FAM20A: variants seen among roughly 807,000 people sequenced by gnomAD.
FAM20A encodes pseudokinase FAM20A.
In FAM20A, 42 loss-of-function variants were observed where a neutral mutation model predicts 52.0. The observed-to-expected ratio is 0.81, with a 90% CI of 0.63 to 1.04. FAM20A has a LOEUF of 1.04. Among genes scored for constraint, FAM20A ranks in the 50% least tolerant of loss-of-function variants. FAM20A has a pLI of 0.00. For synonymous variants in FAM20A, 304 were observed against 298.9 expected (o/e 1.02, Z -0.18); for missense variants, 742 against 712.7 (o/e 1.04, Z -0.47).
At chr17:68,547,474 C>G (rs945892507) in intron 4 of FAM20A, among the ~76,000 whole-genome samples, 1 of 152,182 alleles carries the variant, frequency 6.6e-6, no homozygotes, top group Non-Finnish European at 1.5e-5. Context: ...GTTAGTGTAG[C>G]TACGTTCATC....
At chr17:68,540,507 C>G (rs1262602850) in intron 8 of FAM20A, 3 of 479,316 alleles carry the variant, frequency 6.3e-6, no homozygotes, top group Non-Finnish European at 1.2e-5. Flanking sequence ...CGCCTGAGGC[C>G]CTCCCTGCTA....
chr17:68,548,656 T>A (rs1229519560), intron 4 of FAM20A, among the ~76,000 whole-genome samples: 1 of 151,894 alleles, frequency 6.6e-6, no homozygotes, highest in Non-Finnish European at 1.5e-5. Context: ...AAGCCTTCAC[T>A]TTGTAAAAAA....
intron 1 of FAM20A, chr17:68,590,042 G>A (rs932944077): frequency 6.6e-6 from 1 of 152,210 alleles, no homozygotes; most frequent in Non-Finnish European, 1.5e-5. Flanking sequence ...GAAGCCATCT[G>A]TCAGCACAGT....
rs941319937 is a variant in FAM20A at position 68,535,318 on chromosome 17, A to T, written c.*2159T>A. On this transcript the variant is annotated 3_prime_UTR_variant, in exon 11 of 11. Coordinates refer to ENST00000592554, the MANE Select transcript of FAM20A (RefSeq NM_017565.4). ...TGTACCACATATCATGGTGAAATTCAAGCCTATTGCTTTCTGTTTGTAGAG... is the reference window on the plus strand; with the variant it reads ...TGTACCACATATCATGGTGAAATTCTAGCCTATTGCTTTCTGTTTGTAGAG... The T allele has an allele frequency of 1.8e-5, 8 of 454,022 alleles. No individual in the cohort carries two copies. Among genetic ancestry groups the T allele is most frequent in the Admixed American group, 4.7e-5 (2 of 42,558 alleles). The allele number at this position is 454,022 out of a possible 1,614,324, so 28.1% of individuals were successfully genotyped here.
intron 1 of FAM20A, among the ~76,000 whole-genome samples, chr17:68,559,868 T>C (rs1438232494): frequency 6.6e-6 from 1 of 152,244 alleles, no homozygotes; most frequent in Non-Finnish European, 1.5e-5. Context: ...CTGGTGATTT[T>C]TCCAATTCAG....
At chr17:68,591,674 A>ATGAAGCCCTCCCTTTCCCAGC (rs1232244610) in intron 1 of FAM20A, 29 of 152,312 alleles carry the variant, frequency 1.9e-4, no homozygotes, top group South Asian at 4.1e-4. Context: ...CTGGTCCCAG[A>ATGAAGCCCTCCCTTTCCCAGC]TGAAGCCCTC....
chr17:68,552,527 G>A (rs531495183), intron 3 of FAM20A, among the ~76,000 whole-genome samples: 9 of 152,148 alleles, frequency 5.9e-5, no homozygotes, highest in African/African-American at 1.9e-4. Context: ...TGCATCCTGG[G>A]CACCTCACTT....
At chr17:68,549,870 GTATT>G (rs1208608859) in intron 4 of FAM20A, among the ~76,000 whole-genome samples, 3 of 152,164 alleles carry the variant, frequency 2.0e-5, no homozygotes, top group Non-Finnish European at 2.9e-5. Context: ...GGAACACAAT[GTATT>G]TATTTACATA....
rs755658880 is a variant in FAM20A, at chr17:68,536,103, T to G, written c.*1374A>C. ...AGAGACACAAAGTCCAGGGGCAGCA[T>G]ACCAGTCATGTGGGGGTACCACGGG... On this transcript the variant is annotated 3_prime_UTR_variant, in exon 11 of 11. Coordinates refer to ENST00000592554, the MANE Select transcript of FAM20A (RefSeq NM_017565.4). 5 of 454,008 alleles carry G rather than the reference T, an allele frequency of 1.1e-5. No homozygotes were observed. Among genetic ancestry groups the G allele is most frequent in the South Asian group, 7.8e-5 (5 of 64,484 alleles). 28.1% of individuals were successfully genotyped at this position (454,008 alleles called of 1,614,324 possible).
Position 68,538,716 on chromosome 17 carries a change from G to A in FAM20A, c.1361+621C>T, listed in dbSNP as rs149629618. 1.8e-3 allele frequency among the ~76,000 whole-genome samples: 275 copies of A among 152,342 alleles called. 2 individuals carry two copies. Among genetic ancestry groups the A allele is most frequent in the African/African-American group, 5.7e-3 (237 of 41,586 alleles). On this transcript the variant is annotated intron_variant, in intron 10 of 10. Transcript: ENST00000592554. ...GCTGGGCAAAGCAGAGGTCTGATTA[G>A]TAATATCAAAACCCAGCAGACTGCA...
At position 68,563,310 on chromosome 17, in the gene FAM20A, C is replaced by T. The variant is rs533665214; in HGVS notation, c.405-7567G>A. ...CTGAGGCAGGAGAATTGCTTGAACT[C>T]GGGAGGCGGGGGTTGTAGTGAGCTG... On this transcript the variant is annotated intron_variant, in intron 1 of 10. Coordinates refer to ENST00000592554, the MANE Select transcript of FAM20A (RefSeq NM_017565.4). Among the ~76,000 whole-genome samples, 9 of 149,266 alleles carry T rather than the reference C, an allele frequency of 6.0e-5. No individual in the cohort carries two copies. In the South Asian group the frequency reaches 1.3e-3, roughly 21 times the overall value.
Position 68,537,065 on chromosome 17 carries a change from C to T in FAM20A, c.*412G>A. The T allele has an allele frequency of 2.2e-6, 1 of 458,176 alleles. No individual in the cohort carries two copies. Among genetic ancestry groups the T allele is most frequent in the Non-Finnish European group, 4.4e-6 (1 of 229,716 alleles). 28.4% of individuals were successfully genotyped at this position (458,176 alleles called of 1,614,324 possible). A position where few individuals can be genotyped will look rare whatever the true frequency, so the allele number is the denominator to read the frequency against. ...GCTTGTGATAGGCCAGGTGTTTTGTCTGGACCAGGAGTTATCTTTGACTTG... is the reference window on the plus strand; with the variant it reads ...GCTTGTGATAGGCCAGGTGTTTTGTTTGGACCAGGAGTTATCTTTGACTTG... On this transcript the variant is annotated 3_prime_UTR_variant, in exon 11 of 11. Coordinates refer to ENST00000592554, the MANE Select transcript of FAM20A (RefSeq NM_017565.4). The surrounding 1 kb of genome is among the most constrained non-coding windows in gnomAD (Gnocchi z 4.2).
rs778387601 is a variant in FAM20A, at chr17:68,542,724, T to C, written c.898A>G (p.Ile300Val). 3 of 1,614,056 alleles carry C rather than the reference T, an allele frequency of 1.9e-6. No individual in the cohort carries two copies. The highest frequency in any genetic ancestry group is 2.5e-6 in the Non-Finnish European group (3 of 1,179,956). ...GAGACAAAGAAAACACTCTGCAGGA[T>C]TTCATTCTTGGTGACCTCTAGGATT... ...KEILEVTKNEILQSVFFVSPA... is the reference protein window; with the variant it reads ...KEILEVTKNEVLQSVFFVSPA... Residue 300 changes from isoleucine to valine, a missense_variant, in exon 6 of 11, where the codon ATC becomes GTC. Transcript: ENST00000592554.
intron 1 of FAM20A, among the ~76,000 whole-genome samples, chr17:68,568,602 G>T (rs989078833): frequency 1.3e-5 from 2 of 151,840 alleles, no homozygotes; most frequent in African/African-American, 4.9e-5. Flanking sequence ...GACTCTAGGG[G>T]AGTTTCACTC....
intron 1 of FAM20A, among the ~76,000 whole-genome samples, chr17:68,599,743 G>A (rs947653353): frequency 2.0e-5 from 3 of 152,228 alleles, no homozygotes; most frequent in African/African-American, 7.2e-5. Flanking sequence ...AGAGGAATAA[G>A]GAAAGGGAAA....
intron 8 of FAM20A, chr17:68,540,439 C>T: frequency 2.1e-6 from 1 of 466,738 alleles, no homozygotes; most frequent in South Asian, 1.5e-5. Context: ...GTCTCGTCTC[C>T]CTAGAAGTCC....
In FAM20A at chr17:68,540,710, C is replaced by T. The variant is rs948534173; in HGVS notation, c.1219+139G>A. 5.5e-5 allele frequency: 61 copies of T among 1,099,540 alleles called. No homozygotes were observed. The Middle Eastern group carries it at 1.0e-3, about 19-fold the overall frequency. 68.1% of individuals were successfully genotyped at this position (1,099,540 alleles called of 1,614,324 possible). ...GTTACCTTCTGTCCTCTGGGACCTC[C>T]GCCACTTCTGAGGCTGTGGGAGGTG... On this transcript the variant is annotated intron_variant, in intron 8 of 10. Transcript: ENST00000592554.
chr17:68,585,916 G>C (rs1295394274), intron 1 of FAM20A, among the ~76,000 whole-genome samples: 1 of 152,196 alleles, frequency 6.6e-6, no homozygotes, highest in East Asian at 1.9e-4. Flanking sequence ...CTTGGAGGAG[G>C]TGAGGCGAGA....
At chr17:68,587,120 T>C (rs1439349973) in intron 1 of FAM20A, among the ~76,000 whole-genome samples, 1 of 152,180 alleles carries the variant, frequency 6.6e-6, no homozygotes, top group Non-Finnish European at 1.5e-5. Flanking sequence ...GGTCTGAAAC[T>C]CTTGACACTT....
Sources: gnomAD v4.1 joint callset for allele counts (sites outside exome capture counted in the v4.1 genomes callset) on GRCh38, gnomAD v4.1.1 for gene constraint, Gnocchi (gnomAD v3.1) non-coding constraint, MANE v1.5 for transcripts, NCBI Gene and HGNC (gene_info 2026-07-23, HGNC 2026-07-21) for gene names.